Variants in RABEP1 observed in about 807,000 individuals in gnomAD.
RABEP1 encodes rab GTPase-binding effector protein 1.
In RABEP1, 51 loss-of-function variants were observed where a neutral mutation model predicts 123.4. The ratio of observed to expected loss-of-function variants is 0.41; its 90% CI spans 0.33 to 0.52. The LOEUF (loss-of-function observed/expected upper bound fraction) is 0.52. Among genes scored for constraint, RABEP1 ranks in the 20% least tolerant of loss-of-function variants. RABEP1 has a pLI of 0.16. For synonymous variants in RABEP1, 347 were observed against 355.2 expected, an observed-to-expected ratio of 0.98 and a Z score of 0.26; for missense variants, 888 against 996.3, an observed-to-expected ratio of 0.89 and a Z score of 1.46.
intron 16 of RABEP1, 76 bp downstream of exon 16, chr17:5,380,538 A>C: frequency 8.2e-7 from 1 of 1,218,364 alleles, no homozygotes; most frequent in Non-Finnish European, 1.2e-6. Context: ...TGTTGAAAAA[A>C]AAATATTGGT....
intron 8 of RABEP1, among the ~76,000 whole-genome samples, chr17:5,357,230 A>C (rs180720057): frequency 5.9e-5 from 9 of 152,068 alleles, no homozygotes; most frequent in African/African-American, 2.2e-4. Flanking sequence ...GTTTTGTGCA[A>C]ATTTTTTCCC....
At chr17:5,332,596 ATT>A (rs553120401) in intron 3 of RABEP1, among the ~76,000 whole-genome samples, 14 of 105,900 alleles carry the variant, frequency 1.3e-4, no homozygotes, top group Admixed American at 3.0e-4. Context: ...ACGTTTTAGA[ATT>A]TTTTTTTTTT....
At chr17:5,320,421 C>CAAAAA (rs60202531) in intron 2 of RABEP1, among the ~76,000 whole-genome samples, 69 of 84,618 alleles carry the variant, frequency 8.2e-4, no homozygotes, top group African/African-American at 2.1e-3. Context: ...GCTAACACAC[C>CAAAAA]AAAAAAAAAA....
At chr17:5,346,420 A>G (rs911695206) in intron 5 of RABEP1, among the ~76,000 whole-genome samples, 1 of 152,208 alleles carries the variant, frequency 6.6e-6, no homozygotes, top group Non-Finnish European at 1.5e-5. Context: ...TTGTCCTTAG[A>G]AATTAACTAC....
chr17:5,378,904 T>C lies in RABEP1; in HGVS notation c.2271+672T>C, dbSNP rs571812786. On this transcript the variant is annotated intron_variant, in intron 15 of 17. Coordinates refer to ENST00000537505, the MANE Select transcript of RABEP1 (RefSeq NM_004703.6). ...CATCTTACTGGCCTGCCTCTTCCCT[T>C]CATCTCCCACCACACCTGTCCCTAT... Among the ~76,000 whole-genome samples the C allele has an allele frequency of 1.7e-4, 26 of 152,286 alleles. No individual in the cohort carries two copies. The East Asian group carries it at 5.0e-3, about 29-fold the overall frequency.
intron 2 of RABEP1, among the ~76,000 whole-genome samples, chr17:5,326,980 C>G (rs1906038219): frequency 6.6e-6 from 1 of 152,194 alleles, no homozygotes. Flanking sequence ...TGCTACTAAA[C>G]TGAAAAGCTG....
chr17:5,291,149 A>G (rs59585182), intron 1 of RABEP1, among the ~76,000 whole-genome samples: 92,597 of 152,124 alleles, frequency 0.61, 29,892 homozygotes, highest in East Asian at 0.96. Context: ...GGTGGCTCAC[A>G]CCTGTAATCC....
chr17:5,317,390 A>C (rs933388325), intron 2 of RABEP1, among the ~76,000 whole-genome samples: 3 of 152,192 alleles, frequency 2.0e-5, no homozygotes, highest in African/African-American at 7.2e-5. Flanking sequence ...TGATAAAAAC[A>C]CTAAAATAGG....
intron 11 of RABEP1, among the ~76,000 whole-genome samples, chr17:5,366,979 C>G (rs1910052117): frequency 6.6e-6 from 1 of 151,090 alleles, no homozygotes. Context: ...ATCCCAGCCA[C>G]TTGGGAGGCT....
intron 7 of RABEP1, among the ~76,000 whole-genome samples, chr17:5,353,030 A>G (rs773875062): frequency 2.0e-4 from 31 of 152,282 alleles, no homozygotes; most frequent in Non-Finnish European, 4.0e-4. Flanking sequence ...AGAATAGTAA[A>G]CAGGCTGAGA....
rs1007734398 is a variant in RABEP1 at position 5,311,999 on chromosome 17, T to C, written c.163+3177T>C. Among the ~76,000 whole-genome samples the C allele has an allele frequency of 3.6e-4, 55 of 152,376 alleles. 1 individual carries two copies. Among genetic ancestry groups the C allele is most frequent in the African/African-American group, 1.3e-3 (54 of 41,592 alleles). On this transcript the variant is annotated intron_variant, in intron 2 of 17. Transcript: ENST00000537505. Reference sequence around the variant, plus strand: ...AATTATATGTTAAATTACATAGTTCTTTAGCATCAAAATGTTTTTATCCTA... The same window carrying C: ...AATTATATGTTAAATTACATAGTTCCTTAGCATCAAAATGTTTTTATCCTA...
At chr17:5,319,685 T>C (rs892275606) in intron 2 of RABEP1, among the ~76,000 whole-genome samples, 2 of 152,078 alleles carry the variant, frequency 1.3e-5, no homozygotes, top group Non-Finnish European at 2.9e-5. Context: ...TTAACAAGGA[T>C]ATTGAAATAA....
chr17:5,327,732 TTTTC>T (rs1393815407), intron 2 of RABEP1, among the ~76,000 whole-genome samples: 2 of 152,206 alleles, frequency 1.3e-5, no homozygotes, highest in African/African-American at 4.8e-5. Context: ...TTGTTAAACT[TTTTC>T]TTATGTAAAC....
chr17:5,343,820 C>T (rs953516884), intron 5 of RABEP1, among the ~76,000 whole-genome samples: 3 of 151,552 alleles, frequency 2.0e-5, no homozygotes, highest in Non-Finnish European at 2.9e-5. Flanking sequence ...GGATTACAGG[C>T]GTGCACCACT....
At chr17:5,379,051 G>C (rs565140526) in intron 15 of RABEP1, among the ~76,000 whole-genome samples, 1 of 152,140 alleles carries the variant, frequency 6.6e-6, no homozygotes, top group South Asian at 2.1e-4. Flanking sequence ...CAAGCTGCCA[G>C]ATGGGCCTCC....
intron 11 of RABEP1, among the ~76,000 whole-genome samples, chr17:5,367,892 A>T (rs1221990558): frequency 6.7e-6 from 1 of 150,340 alleles, no homozygotes; most frequent in Non-Finnish European, 1.5e-5. Flanking sequence ...AGTAGCTGGA[A>T]TACAGGTGCC....
At chr17:5,350,196 T>C (rs185300223) in intron 6 of RABEP1, among the ~76,000 whole-genome samples, 11 of 152,096 alleles carry the variant, frequency 7.2e-5, no homozygotes, top group African/African-American at 2.7e-4. Context: ...CTGGCTAACA[T>C]GGTGAAACCC....
intron 1 of RABEP1, among the ~76,000 whole-genome samples, chr17:5,299,502 G>A (rs2075113196): frequency 6.6e-6 from 1 of 151,380 alleles, no homozygotes; most frequent in Non-Finnish European, 1.5e-5. Flanking sequence ...GTTAGTTTTG[G>A]TACTGAGCGG....
chr17:5,293,384 A>G (rs559537336), intron 1 of RABEP1, among the ~76,000 whole-genome samples: 1 of 151,680 alleles, frequency 6.6e-6, no homozygotes, highest in African/African-American at 2.4e-5. Context: ...TTTATTTGTT[A>G]CAGATATTTA....
Sources: gnomAD v4.1 joint callset for allele counts (sites outside exome capture counted in the v4.1 genomes callset) on GRCh38, gnomAD v4.1.1 for gene constraint, MANE v1.5 for transcripts, NCBI Gene and HGNC (gene_info 2026-07-23, HGNC 2026-07-21) for gene names.